Variants in TRPV2 observed in about 807,000 individuals in gnomAD.
TRPV2 encodes the protein OTRPC2.
In TRPV2, 58 loss-of-function variants were observed where a neutral mutation model predicts 91.0. The observed-to-expected ratio is 0.64, with a 90% CI of 0.52 to 0.79. The LOEUF is 0.79. Among genes scored for constraint, TRPV2 ranks in the 30% least tolerant of loss-of-function variants. The pLI, the probability that TRPV2 is intolerant of heterozygous loss-of-function variation, is 0.00. For missense variants in TRPV2, 807 were observed against 969.6 expected, an observed-to-expected ratio of 0.83 and a Z score of 2.23; for synonymous variants, 417 against 414.8, an observed-to-expected ratio of 1.01 and a Z score of -0.06.
chr17:16,437,000 C>A lies in TRPV2; in HGVS notation c.*111C>A. On this transcript the variant is annotated 3_prime_UTR_variant, in exon 15 of 15. Transcript: ENST00000338560. ...GGTGGCAAATATATATTTTCACTAA[C>A]TAACTCTTCTGGAAACATTATTTGG... 1 of 849,466 alleles carries A rather than the reference C, an allele frequency of 1.2e-6. No homozygotes were observed. Among genetic ancestry groups the A allele is most frequent in the Non-Finnish European group, 1.9e-6 (1 of 524,640 alleles). The allele number at this position is 849,466 out of a possible 1,614,324, so 52.6% of individuals were successfully genotyped here.
chr17:16,423,393 T>C, intron 4 of TRPV2, 76 bp from the exon 5 acceptor site: 1 of 1,497,116 alleles, frequency 6.7e-7, no homozygotes, highest in Non-Finnish European at 9.0e-7. Flanking sequence ...GGGCTGGCCT[T>C]TTGTCCAAGG....
Position 16,420,218 on chromosome 17 carries a change from A to ACTT in TRPV2, c.304_305insCTT (p.Ser102delinsThrCys). The ACTT allele has an allele frequency of 6.2e-7, 1 of 1,614,088 alleles. No individual in the cohort carries two copies. ...ACTTCCAGAGTACCTGAGCAAGACC[A>ACTT]GCAAGTACCTCACCGACTCGGAATA... On this transcript the variant is annotated protein_altering_variant, in exon 3 of 15. Transcript: ENST00000338560.
chr17:16,432,174 G>A lies in TRPV2; in HGVS notation c.1863G>A (p.Met621Ile). The A allele has an allele frequency of 6.2e-7, 1 of 1,614,234 alleles. No homozygotes were observed. Among genetic ancestry groups the A allele is most frequent in the Non-Finnish European group, 8.5e-7 (1 of 1,180,046 alleles). Residue 621 changes from methionine (M) to isoleucine (I), a missense_variant, in exon 12 of 15, where the codon ATG becomes ATA. Physicochemically the swap from Met to Ile is conservative, Grantham distance 10 (BLOSUM62 1). Transcript: ENST00000338560. Reference sequence around the variant, plus strand: ...AGGAGCAGCTGCACTTCCGCGGCATGGTGCTGCTGCTGCTGCTGGCCTACG... The same window carrying A: ...AGGAGCAGCTGCACTTCCGCGGCATAGTGCTGCTGCTGCTGCTGGCCTACG... ...AFQEQLHFRG[M>I]VLLLLLAYVL...
intron 2 of TRPV2, among the ~76,000 whole-genome samples, chr17:16,418,705 T>A (rs2093342687): frequency 6.6e-6 from 1 of 151,984 alleles, no homozygotes; most frequent in Admixed American, 6.6e-5. Context: ...CCCTTGATGC[T>A]TTCAGTACCT....
At chr17:16,423,329 C>G in intron 4 of TRPV2, 140 bp from the exon 5 acceptor site, 1 of 954,642 alleles carries the variant, frequency 1.0e-6, no homozygotes, top group Non-Finnish European at 1.5e-6. Context: ...AGCAGGTTGG[C>G]TGGCCCCTGT....
chr17:16,423,790 C>T, intron 5 of TRPV2, 23 bp downstream of exon 5: 1 of 1,533,118 alleles, frequency 6.5e-7, no homozygotes, highest in Non-Finnish European at 8.8e-7. Context: ...CCCCTTCCCA[C>T]TTCCCCTCTC....
intron 9 of TRPV2, 84 bp from the exon 10 acceptor site, chr17:16,428,733 G>T: frequency 6.5e-7 from 1 of 1,535,034 alleles, no homozygotes; most frequent in Non-Finnish European, 8.9e-7. Flanking sequence ...TAAGATGGAG[G>T]TCAGGACCTT....
intron 10 of TRPV2, among the ~76,000 whole-genome samples, chr17:16,429,729 G>A (rs567009440): frequency 6.6e-6 from 1 of 152,280 alleles, no homozygotes; most frequent in East Asian, 1.9e-4. Flanking sequence ...CTAGGTGGCT[G>A]GGGAGATGGC....
In TRPV2 at chr17:16,420,131, C is replaced by A. The variant is rs768347652; in HGVS notation, c.217C>A (p.Arg73=). Residue 73 remains arginine (R), a synonymous_variant, in exon 3 of 15, where the codon CGA becomes AGA. Transcript: ENST00000338560. ...GTGASQPDPN[R]FDRDRLFNAV... ...CCTCCACAGTCAGCCGGATCCAAAC[C>A]GATTTGACCGAGATCGGCTCTTCAA... is the stretch of plus-strand genomic sequence containing the variant. 6.2e-7 allele frequency: 1 copy of A among 1,613,420 alleles called. No individual in the cohort carries two copies. The highest frequency in any genetic ancestry group is 1.7e-5 in the Admixed American group (1 of 59,994).
chr17:16,426,793 C>G lies in TRPV2; in HGVS notation c.1167C>G (p.Pro389=). ...LLQAKWDLLI[P]KFFLNFLCNL... Reference sequence around the variant, plus strand: ...AGGCGAAATGGGATCTGCTCATCCCCAAGTTCTTCTTAAACTTCCTGTGTA... The same window carrying G: ...AGGCGAAATGGGATCTGCTCATCCCGAAGTTCTTCTTAAACTTCCTGTGTA... Residue 389 remains proline (P), a synonymous_variant, in exon 7 of 15, where the codon CCC becomes CCG. Transcript: ENST00000338560. The surrounding 1 kb of genome is among the most constrained non-coding windows in gnomAD (Gnocchi z 6.0). 1 of 1,614,114 alleles carries G rather than the reference C, an allele frequency of 6.2e-7. No homozygotes were observed. Among genetic ancestry groups the G allele is most frequent in the Non-Finnish European group, 8.5e-7 (1 of 1,180,008 alleles).
At position 16,426,975 on chromosome 17, in the gene TRPV2, G is replaced by A; in HGVS notation, c.1251+98G>A. 7.2e-7 allele frequency: 1 copy of A among 1,386,850 alleles called. No individual in the cohort carries two copies. The highest frequency in any genetic ancestry group is 9.8e-7 in the Non-Finnish European group (1 of 1,021,130). 85.9% of individuals were successfully genotyped at this position (1,386,850 alleles called of 1,614,324 possible). A position where few individuals can be genotyped will look rare whatever the true frequency, so the allele number is the denominator to read the frequency against. On this transcript the variant is annotated intron_variant, in intron 7 of 14. Coordinates refer to ENST00000338560, the MANE Select transcript of TRPV2 (RefSeq NM_016113.5). This position sits in a 1 kb window ranked among gnomAD's most constrained non-coding sequence, Gnocchi z 6.0. The stretch of plus-strand genomic sequence containing the variant: ...CAGTAATAGTGCTGAGGCATGGGCT[G>A]CTGGAGTGACATTCCCAAGCTTATG...
At chr17:16,419,403 G>A in intron 2 of TRPV2, 1 of 471,036 alleles carries the variant, frequency 2.1e-6, no homozygotes, top group South Asian at 1.5e-5. Flanking sequence ...CCAGCGTTGG[G>A]CCCAGGTAAT....
chr17:16,416,431 A>C (rs1490530336), intron 1 of TRPV2: 1 of 153,386 alleles, frequency 6.5e-6, no homozygotes, highest in African/African-American at 2.4e-5. Flanking sequence ...GGGTTCCCCA[A>C]CCCTGACCGA....
chr17:16,426,398 C>A lies in TRPV2; in HGVS notation c.1095+129C>A. Reference sequence around the variant, plus strand: ...GCCAGTGGGGGTGTGGCTGCATGTCCCAGCAGGCACGACCCTGACCATGGC... The same window carrying A: ...GCCAGTGGGGGTGTGGCTGCATGTCACAGCAGGCACGACCCTGACCATGGC... On this transcript the variant is annotated intron_variant, in intron 6 of 14. Coordinates refer to ENST00000338560, the MANE Select transcript of TRPV2 (RefSeq NM_016113.5). The surrounding 1 kb of genome is among the most constrained non-coding windows in gnomAD (Gnocchi z 6.0). 8.4e-7 allele frequency: 1 copy of A among 1,184,940 alleles called. No individual in the cohort carries two copies. The highest frequency in any genetic ancestry group is 1.2e-6 in the Non-Finnish European group (1 of 848,972). 73.4% of individuals were successfully genotyped at this position (1,184,940 alleles called of 1,614,324 possible).
At chr17:16,417,180 C>T (rs1484076719) in intron 1 of TRPV2, among the ~76,000 whole-genome samples, 1 of 152,152 alleles carries the variant, frequency 6.6e-6, no homozygotes, top group African/African-American at 2.4e-5. Flanking sequence ...GCTGGGCTCC[C>T]ACACAGTGGG....
chr17:16,417,992 G>C, intron 2 of TRPV2, 124 bp downstream of exon 2: 1 of 988,508 alleles, frequency 1.0e-6, no homozygotes, highest in South Asian at 1.7e-5. Flanking sequence ...GGAGTCCTCA[G>C]TCTGGCCCTG....
chr17:16,433,625 A>C lies in TRPV2; in HGVS notation c.2041A>C (p.Lys681Gln), dbSNP rs146885322. The change falls in exon 13 of 15, where the codon AAG becomes CAG. Residue 681 changes from lysine to glutamine, a missense_variant. By Grantham distance (53) the Lys-to-Gln change is moderately conservative. Coordinates refer to ENST00000338560, the MANE Select transcript of TRPV2 (RefSeq NM_016113.5). ...GAATGGCTATTGGTGGTGCAGGAAG[A>C]AGCAGCGGGCAGGTGTGATGCTGAC... ...MENGYWWCRK[K>Q]QRAGVMLTVG... 1 of 1,614,186 alleles carries C rather than the reference A, an allele frequency of 6.2e-7. No individual in the cohort carries two copies. The highest frequency in any genetic ancestry group is 1.1e-5 in the South Asian group (1 of 91,086).
At chr17:16,430,821 T>TGA (rs2093406364) in intron 10 of TRPV2, among the ~76,000 whole-genome samples, 2 of 152,166 alleles carry the variant, frequency 1.3e-5, no homozygotes, top group Admixed American at 1.3e-4. Flanking sequence ...AATATCCCAT[T>TGA]GTGTAGATAC....
intron 9 of TRPV2, 128 bp from the exon 10 acceptor site, chr17:16,428,689 G>A (rs1311830927): frequency 9.8e-7 from 1 of 1,022,270 alleles, no homozygotes; most frequent in East Asian, 2.4e-5. Flanking sequence ...ACAGTGGGAG[G>A]GAACTGAGGC....
Sources: gnomAD v4.1 joint callset for allele counts (sites outside exome capture counted in the v4.1 genomes callset) on GRCh38, gnomAD v4.1.1 for gene constraint, Gnocchi (gnomAD v3.1) non-coding constraint, MANE v1.5 for transcripts, NCBI Gene and HGNC (gene_info 2026-07-23, HGNC 2026-07-21) for gene names.